CENPC: variants seen among roughly 807,000 people sequenced by gnomAD.
CENPC encodes centromere protein C, also known as CENP-C 1.
CENPC carries 63 observed loss-of-function variants against 112.1 expected under a neutral mutation model. That is an observed-to-expected ratio of 0.56 (90% CI 0.46 to 0.69). CENPC has a LOEUF of 0.69. CENPC is among the 30% of genes least tolerant of loss of function. The pLI is 0.00. For synonymous variants in CENPC, 333 were observed against 367.6 expected (o/e 0.91, Z 1.08); for missense variants, 1,000 against 1,103.8 (o/e 0.91, Z 1.33).
intron 17 of CENPC, among the ~76,000 whole-genome samples, chr4:67,486,982 T>TTTC (rs1553892747): frequency 1.3e-5 from 2 of 150,734 alleles, no homozygotes; most frequent in East Asian, 1.9e-4. Flanking sequence ...TTTTTTTTTT[T>TTTC]TTTCTTTTTT....
In CENPC at chr4:67,545,486, G is replaced by T. The variant is rs867125848; in HGVS notation, c.-131C>A. Reference sequence around the variant, plus strand: ...GCCAAGCAATAACCTTAAGTCTCAGGCGACTGCCGCGAGAGCTGCGATCCG... The same window carrying T: ...GCCAAGCAATAACCTTAAGTCTCAGTCGACTGCCGCGAGAGCTGCGATCCG... On this transcript the variant is annotated 5_prime_UTR_variant, in exon 1 of 19. Coordinates refer to ENST00000273853, the MANE Select transcript of CENPC (RefSeq NM_001812.4). 4 of 880,696 alleles carry T rather than the reference G, an allele frequency of 4.5e-6. No homozygotes were observed. The highest frequency in any genetic ancestry group is 3.8e-4 in the Middle Eastern group (1 of 2,652). 54.6% of individuals were successfully genotyped at this position (880,696 alleles called of 1,614,324 possible).
At chr4:67,504,166 G>A (rs1407667590) in intron 12 of CENPC, among the ~76,000 whole-genome samples, 2 of 150,398 alleles carry the variant, frequency 1.3e-5, no homozygotes, top group African/African-American at 4.9e-5. Flanking sequence ...TGACCCTGGA[G>A]ACCAAGCTCT....
chr4:67,515,296 T>C (rs1292245139), intron 7 of CENPC, among the ~76,000 whole-genome samples: 1 of 150,690 alleles, frequency 6.6e-6, no homozygotes, highest in Non-Finnish European at 1.5e-5. Context: ...TGAAACCCCG[T>C]CTCTACTAAA....
At chr4:67,515,970 A>C (rs1231218088) in intron 7 of CENPC, among the ~76,000 whole-genome samples, 1 of 152,062 alleles carries the variant, frequency 6.6e-6, no homozygotes, top group African/African-American at 2.4e-5. Context: ...CAGAAAGCCT[A>C]TATCATGAAT....
chr4:67,532,933 G>A (rs1398831875), intron 4 of CENPC, among the ~76,000 whole-genome samples: 1 of 152,162 alleles, frequency 6.6e-6, no homozygotes, highest in Non-Finnish European at 1.5e-5. Flanking sequence ...ATAAGTATCA[G>A]TCATGAGTTC....
intron 4 of CENPC, among the ~76,000 whole-genome samples, chr4:67,533,813 G>GT (rs1248424619): frequency 1.3e-5 from 2 of 152,140 alleles, no homozygotes; most frequent in South Asian, 2.1e-4. Context: ...CAAGGCAGGA[G>GT]TATCACTTGA....
chr4:67,514,733 T>C, intron 7 of CENPC, 46 bp from the exon 8 acceptor site: 1 of 1,482,640 alleles, frequency 6.7e-7, no homozygotes, highest in Non-Finnish European at 9.0e-7. Context: ...ATAAAGCTTT[T>C]ATATTTGTTT....
chr4:67,491,525 A>AGAGCGCGAGC (rs1438959933), intron 16 of CENPC, among the ~76,000 whole-genome samples: 1 of 130,040 alleles, frequency 7.7e-6, no homozygotes, highest in Admixed American at 8.2e-5. Flanking sequence ...AGAGAGAGAG[A>AGAGCGCGAGC]GAGCCTGGTT....
At chr4:67,537,623 T>C (rs1292647420) in intron 4 of CENPC, among the ~76,000 whole-genome samples, 2 of 152,102 alleles carry the variant, frequency 1.3e-5, no homozygotes, top group African/African-American at 4.8e-5. Context: ...TTAAACCCCA[T>C]CTCTACTAAA....
At chr4:67,490,906 A>G (rs1463638787) in intron 16 of CENPC, among the ~76,000 whole-genome samples, 3 of 145,920 alleles carry the variant, frequency 2.1e-5, no homozygotes, top group African/African-American at 7.5e-5. Flanking sequence ...ATATATAGAA[A>G]TATATATATA....
chr4:67,478,757 C>T (rs72924930), intron 17 of CENPC, among the ~76,000 whole-genome samples: 171 of 152,148 alleles, frequency 1.1e-3, no homozygotes, highest in African/African-American at 4.0e-3. Context: ...TTCAATGCTC[C>T]ACTTAAAAGA....
In CENPC at chr4:67,472,550, A is replaced by C. The variant is rs1577966788; in HGVS notation, c.*55T>G. 1.5e-6 allele frequency: 2 copies of C among 1,346,116 alleles called. No homozygotes were observed. Among genetic ancestry groups the C allele is most frequent in the Middle Eastern group, 2.8e-4 (1 of 3,624 alleles). The allele number at this position is 1,346,116 out of a possible 1,614,324, so 83.4% of individuals were successfully genotyped here. A position where few individuals can be genotyped will look rare whatever the true frequency, so the allele number is the denominator to read the frequency against. ...CAAAGACAAATATTCCAACTATACA[A>C]ACTGTTTTTCACATATACATATATA... On this transcript the variant is annotated 3_prime_UTR_variant, in exon 19 of 19. Coordinates refer to ENST00000273853, the MANE Select transcript of CENPC (RefSeq NM_001812.4).
At chr4:67,483,694 G>T (rs1725012455) in intron 17 of CENPC, among the ~76,000 whole-genome samples, 1 of 152,074 alleles carries the variant, frequency 6.6e-6, no homozygotes, top group Non-Finnish European at 1.5e-5. Flanking sequence ...ATGTGGTAGT[G>T]CAAGACAGTG....
At chr4:67,530,965 T>C in intron 4 of CENPC, 51 bp from the exon 5 acceptor site, 1 of 868,430 alleles carries the variant, frequency 1.2e-6, no homozygotes. Context: ...ACTTACCAAT[T>C]CAATGAAATA....
intron 12 of CENPC, among the ~76,000 whole-genome samples, chr4:67,504,010 A>G (rs569711395): frequency 1.4e-4 from 21 of 151,870 alleles, no homozygotes; most frequent in Non-Finnish European, 7.4e-5. Context: ...CATTTTACAG[A>G]TAAGGAAACT....
chr4:67,491,511 A>AGAGAGGGG (rs1553893237), intron 16 of CENPC, among the ~76,000 whole-genome samples: 1 of 114,566 alleles, frequency 8.7e-6, no homozygotes, highest in Non-Finnish European at 1.7e-5. Flanking sequence ...AGAGAGAGAG[A>AGAGAGGGG]GAGAGAGAGA....
chr4:67,482,541 TA>T (rs1724983507), intron 17 of CENPC, among the ~76,000 whole-genome samples: 1 of 152,218 alleles, frequency 6.6e-6, no homozygotes, highest in African/African-American at 2.4e-5. Context: ...GGTATACATG[TA>T]CCATAGAATA....
At position 67,512,651 on chromosome 4, in the gene CENPC, C is replaced by T; in HGVS notation, c.1445-82G>A. On this transcript the variant is annotated intron_variant, in intron 8 of 18. Coordinates refer to ENST00000273853, the MANE Select transcript of CENPC (RefSeq NM_001812.4). ...AACCACAAGATTATAAAAAAACCGT[C>T]AATTACAGGAACTTCTTAAATTTAT... is the stretch of plus-strand genomic sequence containing the variant. The T allele has an allele frequency of 4.2e-6, 4 of 956,410 alleles. No homozygotes were observed. The South Asian group carries it at 6.9e-5, about 17-fold the overall frequency. The allele number at this position is 956,410 out of a possible 1,614,324, so 59.2% of individuals were successfully genotyped here.
At chr4:67,505,306 C>T (rs1029038060) in intron 11 of CENPC, 22 bp from the exon 12 acceptor site, 12 of 1,364,178 alleles carry the variant, frequency 8.8e-6, no homozygotes, top group African/African-American at 1.5e-5. Context: ...AAGGAAACCA[C>T]AAAATTAATG....
Sources: gnomAD v4.1 joint callset for allele counts (sites outside exome capture counted in the v4.1 genomes callset) on GRCh38, gnomAD v4.1.1 for gene constraint, MANE v1.5 for transcripts, NCBI Gene and HGNC (gene_info 2026-07-23, HGNC 2026-07-21) for gene names.